ESR1: variants seen among roughly 807,000 people sequenced by gnomAD.
The protein encoded by ESR1 is estrogen receptor.
In ESR1, 12 loss-of-function variants were observed where a neutral mutation model predicts 52.7. That is an observed-to-expected ratio of 0.23 (90% CI 0.15 to 0.37). The LOEUF is 0.37. ESR1 is among the 10% of genes least tolerant of loss of function. ESR1 has a pLI of 1.00. For synonymous variants in ESR1, 305 were observed against 316.8 expected, an observed-to-expected ratio of 0.96 and a Z score of 0.39; for missense variants, 584 against 779.7, an observed-to-expected ratio of 0.75 and a Z score of 2.99.
At chr6:151,906,476 A>T (rs980836007) in intron 3 of ESR1, among the ~76,000 whole-genome samples, 11 of 151,842 alleles carry the variant, frequency 7.2e-5, no homozygotes, top group African/African-American at 2.7e-4. Context: ...ATTTAATGAA[A>T]ATGAACTACA....
chr6:151,880,214 A>T (rs9340840), intron 2 of ESR1, among the ~76,000 whole-genome samples: 16,205 of 118,376 alleles, frequency 0.14, 1,143 homozygotes, highest in Middle Eastern at 0.24. Context: ...ATGGATTCTC[A>T]CTCTGTTGCC....
chr6:152,008,580 C>T (rs9397074), intron 4 of ESR1, among the ~76,000 whole-genome samples: 3,276 of 152,128 alleles, frequency 0.022, 108 homozygotes, highest in East Asian at 0.14. Flanking sequence ...TAACATGTAA[C>T]GTTCTCATCA....
At chr6:151,970,408 C>A (rs1002783112) in intron 4 of ESR1, among the ~76,000 whole-genome samples, 4 of 151,916 alleles carry the variant, frequency 2.6e-5, no homozygotes, top group Non-Finnish European at 5.9e-5. Flanking sequence ...TGGAAACAGA[C>A]AAAAATTTGT....
At chr6:151,771,377 C>T (rs528371183) in intron 2 of ESR1, among the ~76,000 whole-genome samples, 3 of 152,336 alleles carry the variant, frequency 2.0e-5, no homozygotes, top group East Asian at 3.9e-4. Flanking sequence ...AAATACTCTT[C>T]AGTCTGCTTT....
chr6:151,925,588 C>T (rs1213920040), intron 3 of ESR1, among the ~76,000 whole-genome samples: 2 of 152,136 alleles, frequency 1.3e-5, no homozygotes, highest in East Asian at 3.9e-4. Context: ...GTCTGGGCAA[C>T]AAGAATGAAA....
intron 2 of ESR1, among the ~76,000 whole-genome samples, chr6:151,707,539 T>A (rs995624277): frequency 1.3e-5 from 2 of 152,072 alleles, no homozygotes; most frequent in African/African-American, 2.4e-5. Context: ...TTTTGCAAAT[T>A]GAAATGATGT....
chr6:152,073,860 C>T (rs540788559), intron 6 of ESR1, among the ~76,000 whole-genome samples: 26 of 152,138 alleles, frequency 1.7e-4, no homozygotes, highest in African/African-American at 5.6e-4. Flanking sequence ...CACTTCCTTT[C>T]GCCTCAGTTT....
At chr6:151,823,218 AT>A (rs1460177172) in intron 1 of ESR1, among the ~76,000 whole-genome samples, 1 of 152,156 alleles carries the variant, frequency 6.6e-6, no homozygotes, top group East Asian at 1.9e-4. Context: ...AATGGGCTTA[AT>A]TTTTTGAAGG....
intron 2 of ESR1, among the ~76,000 whole-genome samples, chr6:151,716,106 T>C (rs1216256127): frequency 1.3e-5 from 2 of 152,194 alleles, no homozygotes; most frequent in Non-Finnish European, 2.9e-5. Context: ...CTGCTGCAGG[T>C]CTGCTGGAGT....
At chr6:151,898,449 G>C (rs1395079802) in intron 3 of ESR1, among the ~76,000 whole-genome samples, 2 of 150,242 alleles carry the variant, frequency 1.3e-5, no homozygotes, top group Non-Finnish European at 3.0e-5. Flanking sequence ...TCTCGCAGAG[G>C]GGGATTTGGC....
intron 2 of ESR1, among the ~76,000 whole-genome samples, chr6:151,850,105 TATAC>T (rs1562474861): frequency 4.6e-5 from 2 of 43,744 alleles, no homozygotes; most frequent in Admixed American, 3.8e-4. Context: ...TTTATATATA[TATAC>T]AAAATTATAT....
intron 2 of ESR1, among the ~76,000 whole-genome samples, chr6:151,707,602 T>G (rs1022104297): frequency 1.3e-5 from 2 of 152,144 alleles, no homozygotes; most frequent in African/African-American, 4.8e-5. Flanking sequence ...TACTTAGGTG[T>G]TTTAACAAGG....
At chr6:152,037,804 C>T (rs941083075) in intron 5 of ESR1, among the ~76,000 whole-genome samples, 1 of 152,122 alleles carries the variant, frequency 6.6e-6, no homozygotes, top group African/African-American at 2.4e-5. Flanking sequence ...TAGAGAGTGG[C>T]CGGAATCAAG....
intron 2 of ESR1, among the ~76,000 whole-genome samples, chr6:151,766,462 T>C (rs1785059408): frequency 6.6e-6 from 1 of 151,874 alleles, no homozygotes; most frequent in Non-Finnish European, 1.5e-5. Flanking sequence ...ACCTGGGTGA[T>C]CGAGTGAGAC....
chr6:152,114,784 G>A (rs1354558385), intron 6 of ESR1, among the ~76,000 whole-genome samples: 1 of 149,774 alleles, frequency 6.7e-6, no homozygotes, highest in African/African-American at 2.4e-5. Context: ...CCAGCTACTT[G>A]GGAGGCTGAG....
At chr6:152,011,567 C>T (rs2128776971) in intron 4 of ESR1, 89 bp from the exon 5 acceptor site, 1 of 1,465,014 alleles carries the variant, frequency 6.8e-7, no homozygotes, top group Non-Finnish European at 9.6e-7. Context: ...GAAAATAGAC[C>T]TTGTCAGTTC....
At chr6:151,766,858 T>G (rs1438958266) in intron 2 of ESR1, among the ~76,000 whole-genome samples, 1 of 152,220 alleles carries the variant, frequency 6.6e-6, no homozygotes, top group African/African-American at 2.4e-5. Flanking sequence ...TTCTGTAATC[T>G]GCATTGCAAT....
In ESR1 at chr6:151,781,804, C is replaced by CA. The variant is rs567219037; in HGVS notation, c.-70-26028dup. Reference sequence around the variant, plus strand: ...TTGTTTTAAAAAAAAGTATTGTGCACAAAAAAAAAAACTACTTTCAGCATA... The same window carrying CA: ...TTGTTTTAAAAAAAAGTATTGTGCACAAAAAAAAAAAACTACTTTCAGCATA... On this transcript the variant is annotated intron_variant, in intron 2 of 2. Coordinates refer to the ESR1 transcript ENST00000404742. 1.4e-3 allele frequency among the ~76,000 whole-genome samples: 195 copies of CA among 138,478 alleles called. 1 individual carries two copies. The East Asian group carries it at 0.023, about 17-fold the overall frequency. The allele number at this position is 138,478 out of a possible 152,430, so 90.8% of individuals were successfully genotyped here.
chr6:151,846,472 C>T (rs886216287), intron 2 of ESR1, among the ~76,000 whole-genome samples: 26 of 152,260 alleles, frequency 1.7e-4, no homozygotes, highest in Non-Finnish European at 2.9e-4. Flanking sequence ...ATCACACTGC[C>T]CCTCAAACAC....
Sources: allele counts gnomAD v4.1 joint callset (sites outside exome capture counted in the v4.1 genomes callset), GRCh38; gene constraint gnomAD v4.1.1; transcripts MANE v1.5; gene names NCBI Gene and HGNC (gene_info 2026-07-23, HGNC 2026-07-21).